Variants in CYREN observed in about 807,000 individuals in gnomAD.
CYREN encodes the protein cell cycle regulator of NHEJ, also known as cell cycle regulator of non-homologous end joining.
In CYREN, 7 loss-of-function variants were observed where a neutral mutation model predicts 9.7. The observed-to-expected ratio is 0.72, with a 90% CI of 0.41 to 1.36. CYREN has a LOEUF of 1.36. CYREN is among the 40% of genes most tolerant of loss of function. The pLI is 0.01. For synonymous variants in CYREN, 76 were observed against 77.9 expected (o/e 0.98, Z 0.13); for missense variants, 215 against 198.1 (o/e 1.09, Z -0.51).
At chr7:135,136,814 G>C (rs367633199) in intron 2 of CYREN, among the ~76,000 whole-genome samples, 1 of 151,998 alleles carries the variant, frequency 6.6e-6, no homozygotes, top group Non-Finnish European at 1.5e-5. Context: ...GACCAAAAAA[G>C]GTGATAAACC....
chr7:135,097,778 A>ATGTAGGT (rs1270031735), intron 2 of CYREN, among the ~76,000 whole-genome samples: 25 of 152,170 alleles, frequency 1.6e-4, no homozygotes, highest in Non-Finnish European at 3.1e-4. Flanking sequence ...TTGATATTAT[A>ATGTAGGT]TGTAGGTTGT....
chr7:135,111,957 T>G (rs1268483823), intron 2 of CYREN, among the ~76,000 whole-genome samples: 1 of 151,978 alleles, frequency 6.6e-6, no homozygotes, highest in Non-Finnish European at 1.5e-5. Context: ...GCACTTCTAT[T>G]CAATGTGTCC....
At chr7:135,159,628 G>A (rs751451988) in intron 2 of CYREN, among the ~76,000 whole-genome samples, 1 of 152,156 alleles carries the variant, frequency 6.6e-6, no homozygotes, top group Non-Finnish European at 1.5e-5. Context: ...GTGCAGCAAA[G>A]CATTATACTT....
At chr7:135,146,615 G>C (rs1027610610) in intron 2 of CYREN, among the ~76,000 whole-genome samples, 16 of 152,284 alleles carry the variant, frequency 1.1e-4, no homozygotes, top group Admixed American at 1.0e-3. Context: ...AACCAATTTG[G>C]ATAGAGGAGG....
chr7:135,106,192 C>T (rs993129941), intron 2 of CYREN, among the ~76,000 whole-genome samples: 2 of 152,124 alleles, frequency 1.3e-5, no homozygotes, highest in Admixed American at 6.5e-5. Flanking sequence ...GTCTGAATTC[C>T]GCTCTTCCTA....
At chr7:135,098,071 G>A (rs1318438157) in intron 2 of CYREN, among the ~76,000 whole-genome samples, 1 of 152,118 alleles carries the variant, frequency 6.6e-6, no homozygotes, top group African/African-American at 2.4e-5. Context: ...ATTTATAGAT[G>A]CAAAGGGCCT....
intron 2 of CYREN, 189 bp from the exon 3 acceptor site, chr7:135,167,996 G>C (rs1830309347): frequency 1.0e-6 from 1 of 1,001,788 alleles, no homozygotes; most frequent in Non-Finnish European, 1.4e-6. Flanking sequence ...ACTGGCACAG[G>C]GCTTCATGGA....
intron 2 of CYREN, among the ~76,000 whole-genome samples, chr7:135,147,439 G>A (rs1829568484): frequency 6.6e-6 from 1 of 152,172 alleles, no homozygotes; most frequent in South Asian, 2.1e-4. Flanking sequence ...TTAACCCACA[G>A]TTGAAATTTC....
chr7:135,156,117 G>C (rs1481701466), intron 2 of CYREN, among the ~76,000 whole-genome samples: 1 of 151,892 alleles, frequency 6.6e-6, no homozygotes, highest in Non-Finnish European at 1.5e-5. Flanking sequence ...TCCTCAATTG[G>C]TCTGATGAGA....
At chr7:135,115,757 C>A in intron 2 of CYREN, 1 of 628,128 alleles carries the variant, frequency 1.6e-6, no homozygotes, top group Non-Finnish European at 2.7e-6. Flanking sequence ...AACAAAGACC[C>A]AAAGCTGTCA....
intron 2 of CYREN, among the ~76,000 whole-genome samples, chr7:135,140,770 AG>A (rs776062846): frequency 6.6e-6 from 1 of 152,072 alleles, no homozygotes; most frequent in Non-Finnish European, 1.5e-5. Context: ...TTTAACATGA[AG>A]GGATGCTGAA....
rs984730998 is a variant in CYREN, at chr7:135,166,468, G to A, written c.*143C>T. 1.5e-6 allele frequency: 2 copies of A among 1,359,996 alleles called. No homozygotes were observed. Among genetic ancestry groups the A allele is most frequent in the Non-Finnish European group, 2.0e-6 (2 of 1,019,764 alleles). The allele number at this position is 1,359,996 out of a possible 1,614,324, so 84.2% of individuals were successfully genotyped here. Reference sequence around the variant, plus strand: ...GAGTGTCCAGGGGCTTCTGGCCTGAGGTGAATCTGCCAGGCCCAAGAAGGC... The same window carrying A: ...GAGTGTCCAGGGGCTTCTGGCCTGAAGTGAATCTGCCAGGCCCAAGAAGGC... On this transcript the variant is annotated 3_prime_UTR_variant, in exon 4 of 4. Coordinates refer to ENST00000393114, the MANE Select transcript of CYREN (RefSeq NM_024033.4).
intron 2 of CYREN, chr7:135,101,167 C>A (rs1274865471): frequency 2.2e-6 from 1 of 455,636 alleles, no homozygotes; most frequent in Non-Finnish European, 4.4e-6. Flanking sequence ...AAAAAAATTC[C>A]CCTCAAGGGA....
chr7:135,128,314 A>AC, intron 2 of CYREN: 1 of 244,528 alleles, frequency 4.1e-6, no homozygotes, highest in South Asian at 7.4e-5. Context: ...AAAAAAAAAA[A>AC]AAAAACGAAA....
At chr7:135,111,181 A>C (rs1007562293) in intron 2 of CYREN, among the ~76,000 whole-genome samples, 1 of 116,114 alleles carries the variant, frequency 8.6e-6, no homozygotes, top group East Asian at 2.0e-4. Flanking sequence ...GTTTCAAAGA[A>C]ATAAATATCC....
At chr7:135,136,025 T>G (rs754764074) in intron 2 of CYREN, among the ~76,000 whole-genome samples, 1 of 152,118 alleles carries the variant, frequency 6.6e-6, no homozygotes, top group Non-Finnish European at 1.5e-5. Context: ...CACCTCAGTT[T>G]GTCATTCATA....
At chr7:135,111,480 A>C (rs1825631375) in intron 2 of CYREN, among the ~76,000 whole-genome samples, 1 of 152,232 alleles carries the variant, frequency 6.6e-6, no homozygotes, top group Admixed American at 6.5e-5. Flanking sequence ...ATTTCACAAT[A>C]GCTATTGTGC....
chr7:135,137,422 C>T (rs1179406057), intron 2 of CYREN, among the ~76,000 whole-genome samples: 1 of 151,684 alleles, frequency 6.6e-6, no homozygotes, highest in Non-Finnish European at 1.5e-5. Flanking sequence ...AGGTATGTAA[C>T]GTGTAATGGG....
intron 3 of CYREN, 29 bp from the exon 4 acceptor site, chr7:135,166,900 AC>A: frequency 6.2e-7 from 1 of 1,602,908 alleles, no homozygotes; most frequent in South Asian, 1.1e-5. Context: ...CGCAGGCTCA[AC>A]ATACGTGTTT....
Sources: gnomAD v4.1 joint callset for allele counts (sites outside exome capture counted in the v4.1 genomes callset) on GRCh38, gnomAD v4.1.1 for gene constraint, MANE v1.5 for transcripts, NCBI Gene and HGNC (gene_info 2026-07-23, HGNC 2026-07-21) for gene names.